ZPBP: variants seen among roughly 807,000 people sequenced by gnomAD.
ZPBP encodes the protein zona pellucida-binding protein 1.
ZPBP carries 26 observed loss-of-function variants against 44.8 expected under a neutral mutation model. That is an observed-to-expected ratio of 0.58 (90% CI 0.43 to 0.81). The LOEUF is 0.81. Ranked by LOEUF, ZPBP falls within the 30% of genes least tolerant of loss-of-function variation. The pLI, the probability that ZPBP is intolerant of heterozygous loss-of-function variation, is 0.00. For missense variants in ZPBP, 409 were observed against 434.0 expected, an observed-to-expected ratio of 0.94 and a Z score of 0.51; for synonymous variants, 174 against 153.2, an observed-to-expected ratio of 1.14 and a Z score of -1.00.
At chr7:49,964,065 G>C (rs943129853) in intron 7 of ZPBP, among the ~76,000 whole-genome samples, 2 of 151,644 alleles carry the variant, frequency 1.3e-5, no homozygotes, top group Non-Finnish European at 3.0e-5. Context: ...TTCAATAATA[G>C]AGAAAAGCAT....
intron 6 of ZPBP, among the ~76,000 whole-genome samples, chr7:50,015,274 C>G (rs1200877628): frequency 6.6e-6 from 1 of 151,888 alleles, no homozygotes; most frequent in Non-Finnish European, 1.5e-5. Context: ...CTTAATGAAA[C>G]TACAGACCTC....
chr7:49,981,290 A>AAT (rs1491488836), intron 7 of ZPBP, among the ~76,000 whole-genome samples: 1 of 60,322 alleles, frequency 1.7e-5, no homozygotes, highest in Non-Finnish European at 3.4e-5. Context: ...ATATTATATA[A>AAT]TATATATTAT....
At chr7:50,008,602 C>T (rs1277610361) in intron 6 of ZPBP, among the ~76,000 whole-genome samples, 1 of 151,950 alleles carries the variant, frequency 6.6e-6, no homozygotes, top group Non-Finnish European at 1.5e-5. Context: ...AAGGCTCACA[C>T]CCTGATTTCA....
chr7:49,957,005 G>A (rs1795625166), intron 7 of ZPBP, among the ~76,000 whole-genome samples: 1 of 152,136 alleles, frequency 6.6e-6, no homozygotes. Flanking sequence ...TCCTTAAGAG[G>A]TGATTAGACC....
At chr7:49,969,621 C>A (rs1220152503) in intron 7 of ZPBP, among the ~76,000 whole-genome samples, 16 of 151,348 alleles carry the variant, frequency 1.1e-4, no homozygotes, top group Non-Finnish European at 2.9e-5. Flanking sequence ...GTGTCAAAAC[C>A]TGATTAGAAA....
chr7:49,846,105 C>T (rs1050395440), downstream of ZPBP, among the ~76,000 whole-genome samples: 3 of 152,134 alleles, frequency 2.0e-5, no homozygotes, highest in Non-Finnish European at 4.4e-5. Flanking sequence ...TATCACATTG[C>T]TTCTTTAGAG....
chr7:50,073,521 C>G (rs1247485631), intron 3 of ZPBP, among the ~76,000 whole-genome samples: 1 of 151,954 alleles, frequency 6.6e-6, no homozygotes, highest in Non-Finnish European at 1.5e-5. Flanking sequence ...TTTCCCAAAC[C>G]TAGACAAAGT....
At chr7:49,964,650 C>A (rs1233541737) in intron 7 of ZPBP, among the ~76,000 whole-genome samples, 1 of 152,080 alleles carries the variant, frequency 6.6e-6, no homozygotes, top group African/African-American at 2.4e-5. Context: ...ATAATCCTCA[C>A]TTATTGAAAA....
intron 2 of ZPBP, among the ~76,000 whole-genome samples, chr7:49,857,472 A>C (rs759345200): frequency 1.3e-5 from 2 of 152,188 alleles, no homozygotes; most frequent in Non-Finnish European, 2.9e-5. Flanking sequence ...AGGTATTGTG[A>C]ATAGTGCTGC....
intron 2 of ZPBP, among the ~76,000 whole-genome samples, chr7:49,853,918 A>G (rs1213519522): frequency 7.3e-6 from 1 of 136,566 alleles, no homozygotes; most frequent in East Asian, 2.2e-4. Flanking sequence ...CCTGTGTCCA[A>G]ATGTTTTCAT....
chr7:49,973,120 GC>G (rs1298258226), intron 7 of ZPBP, among the ~76,000 whole-genome samples: 10 of 151,904 alleles, frequency 6.6e-5, no homozygotes, highest in Non-Finnish European at 1.5e-4. Flanking sequence ...CTCTTAGAAA[GC>G]CTAATGACAC....
chr7:49,845,264 A>G, the ZPBP span, among the ~76,000 whole-genome samples: 1 of 151,860 alleles, frequency 6.6e-6, no homozygotes, highest in Non-Finnish European at 1.5e-5. Flanking sequence ...CATACACTGC[A>G]CATGTACCCT....
At chr7:49,978,664 C>T (rs1469911243) in intron 7 of ZPBP, among the ~76,000 whole-genome samples, 1 of 151,814 alleles carries the variant, frequency 6.6e-6, no homozygotes, top group Non-Finnish European at 1.5e-5. Flanking sequence ...TTTGTGAGCT[C>T]ATCATCATTT....
intron 1 of ZPBP, among the ~76,000 whole-genome samples, chr7:49,929,219 G>A (rs1337209480): frequency 2.6e-5 from 4 of 152,236 alleles, no homozygotes; most frequent in African/African-American, 4.8e-5. Flanking sequence ...TCAGATAAAT[G>A]TGTCCATAGT....
intron 1 of ZPBP, among the ~76,000 whole-genome samples, chr7:49,910,320 T>C (rs905217558): frequency 5.9e-5 from 9 of 152,226 alleles, no homozygotes; most frequent in Admixed American, 5.9e-4. Context: ...TGGATTAATT[T>C]ATTTTTTAAA....
downstream of ZPBP, among the ~76,000 whole-genome samples, chr7:49,848,014 G>A (rs1485883129): frequency 6.6e-6 from 1 of 152,226 alleles, no homozygotes; most frequent in Non-Finnish European, 1.5e-5. Flanking sequence ...GATAGGGCTA[G>A]CACAGCATGT....
chr7:49,902,972 C>T (rs1170661092), intron 1 of ZPBP, among the ~76,000 whole-genome samples: 4 of 151,920 alleles, frequency 2.6e-5, no homozygotes, highest in African/African-American at 4.8e-5. Context: ...ATGAAGAGTC[C>T]TTTCACAGAT....
chr7:50,065,208 A>G (rs891935343), intron 3 of ZPBP, among the ~76,000 whole-genome samples: 1 of 138,266 alleles, frequency 7.2e-6, no homozygotes, highest in Non-Finnish European at 1.6e-5. Context: ...CTTTAGAGGA[A>G]TTAGAAAGAG....
At chr7:49,911,739 T>A (rs7788609) in intron 1 of ZPBP, among the ~76,000 whole-genome samples, 121,304 of 151,564 alleles carry the variant, frequency 0.8, 48,664 homozygotes, top group East Asian at 0.92. Context: ...TCTACAAAAA[T>A]TACAAAAACT....
Sources: gnomAD v4.1 joint callset for allele counts (sites outside exome capture counted in the v4.1 genomes callset) on GRCh38, gnomAD v4.1.1 for gene constraint, MANE v1.5 for transcripts, NCBI Gene and HGNC (gene_info 2026-07-23, HGNC 2026-07-21) for gene names.